NTM: variants seen among roughly 807,000 people sequenced by gnomAD.
NTM encodes the protein IgLON family member 2.
A neutral mutation model predicts 42.1 loss-of-function variants in NTM; 13 were observed. That is an observed-to-expected ratio of 0.31 (90% CI 0.20 to 0.49). The LOEUF (loss-of-function observed/expected upper bound fraction) is 0.49, where lower values mean the gene tolerates loss of function less well. NTM is among the 20% of genes least tolerant of loss of function. The pLI is 0.99. For synonymous variants in NTM, 187 were observed against 179.2 expected (o/e 1.04, Z -0.35); for missense variants, 373 against 452.8 (o/e 0.82, Z 1.60).
chr11:132,083,249 AATCTAT>A (rs1433559774), intron 2 of NTM, among the ~76,000 whole-genome samples: 1 of 152,214 alleles, frequency 6.6e-6, no homozygotes, highest in African/African-American at 2.4e-5. Flanking sequence ...TTTAATGACA[AATCTAT>A]GATTAGCTTT....
At chr11:132,192,822 CAG>C (rs1276523325) in intron 3 of NTM, among the ~76,000 whole-genome samples, 15 of 151,926 alleles carry the variant, frequency 9.9e-5, no homozygotes, top group African/African-American at 3.4e-4. Flanking sequence ...ATCAGTCAAA[CAG>C]AAAATGAAAA....
At chr11:131,402,557 G>T (rs1408645049) in intron 1 of NTM, among the ~76,000 whole-genome samples, 2 of 152,102 alleles carry the variant, frequency 1.3e-5, no homozygotes, top group Non-Finnish European at 2.9e-5. Context: ...TAGGAAAACA[G>T]CACAAGCCAA....
At chr11:131,664,487 TG>T (rs2068640442) in intron 1 of NTM, among the ~76,000 whole-genome samples, 1 of 152,130 alleles carries the variant, frequency 6.6e-6, no homozygotes, top group Non-Finnish European at 1.5e-5. Flanking sequence ...CCAAGCCTAG[TG>T]GAGAGCAAAA....
chr11:132,336,455 C>T lies in NTM; in HGVS notation c.*1309C>T. ...CCAGGTGTGGCTCTGCGCTAGGCCA[C>T]CCCAGGTGGCCCCGCTTTCTCCATT... is the stretch of plus-strand genomic sequence containing the variant. On this transcript the variant is annotated 3_prime_UTR_variant, in exon 9 of 9. Transcript: ENST00000683400. The T allele has an allele frequency of 6.6e-6, 1 of 152,324 alleles. No homozygotes were observed. 9.4% of individuals were successfully genotyped at this position (152,324 alleles called of 1,614,324 possible).
intron 1 of NTM, among the ~76,000 whole-genome samples, chr11:131,621,098 T>C (rs1463000609): frequency 6.6e-6 from 1 of 152,200 alleles, no homozygotes; most frequent in Non-Finnish European, 1.5e-5. Context: ...TCAGGGTTAA[T>C]TGAGCTCACT....
chr11:131,611,415 A>T (rs1469101275), intron 1 of NTM, among the ~76,000 whole-genome samples: 2 of 152,214 alleles, frequency 1.3e-5, no homozygotes, highest in East Asian at 3.9e-4. Flanking sequence ...CACACGCTAC[A>T]CGCTGCATAT....
chr11:131,832,222 G>A (rs1038786911), intron 1 of NTM, among the ~76,000 whole-genome samples: 11 of 150,838 alleles, frequency 7.3e-5, no homozygotes, highest in Non-Finnish European at 1.5e-4. Context: ...ATATGTATGC[G>A]TGATGCTTCC....
In NTM at chr11:131,472,671, G is replaced by T. The variant is rs116157071; in HGVS notation, c.82+101783G>T. On this transcript the variant is annotated intron_variant, in intron 1 of 8. Coordinates refer to ENST00000683400, the MANE Select transcript of NTM (RefSeq NM_001352005.2). ...CCTGGGTAAAGGCAATGAGGAGAAG[G>T]GGGTAAGTGTAAAAAAGCTGATGGG... Among the ~76,000 whole-genome samples the T allele has an allele frequency of 4.6e-3, 700 of 152,238 alleles. 5 individuals carry two copies. Among genetic ancestry groups the T allele is most frequent in the African/African-American group, 0.016 (673 of 41,538 alleles).
intron 1 of NTM, among the ~76,000 whole-genome samples, chr11:131,447,701 G>T (rs1363776714): frequency 1.3e-5 from 2 of 152,108 alleles, no homozygotes; most frequent in Non-Finnish European, 2.9e-5. Flanking sequence ...TTCAATTCTT[G>T]CTGCCACAAA....
intron 2 of NTM, among the ~76,000 whole-genome samples, chr11:131,941,515 C>G (rs939841402): frequency 2.0e-5 from 3 of 152,200 alleles, no homozygotes; most frequent in African/African-American, 7.2e-5. Context: ...CTCATATTCT[C>G]TGTGCTTGTC....
intron 2 of NTM, among the ~76,000 whole-genome samples, chr11:132,144,429 A>G (rs2069886848): frequency 6.6e-6 from 1 of 152,198 alleles, no homozygotes; most frequent in African/African-American, 2.4e-5. Context: ...GGTTGGTTTA[A>G]GGCTGTGTTC....
At chr11:132,203,449 T>C (rs1178099644) in intron 3 of NTM, among the ~76,000 whole-genome samples, 1 of 152,226 alleles carries the variant, frequency 6.6e-6, no homozygotes, top group Non-Finnish European at 1.5e-5. Flanking sequence ...CATGCACTTA[T>C]ACAGCTAGTA....
chr11:131,540,098 A>C (rs557587640), intron 1 of NTM, among the ~76,000 whole-genome samples: 2 of 151,734 alleles, frequency 1.3e-5, no homozygotes, highest in Non-Finnish European at 2.9e-5. Context: ...TAGAAAATGC[A>C]TAGCAACTCA....
chr11:131,726,431 C>T (rs920316804), intron 1 of NTM, among the ~76,000 whole-genome samples: 2 of 146,006 alleles, frequency 1.4e-5, no homozygotes, highest in Non-Finnish European at 2.9e-5. Flanking sequence ...CTAATGGCAT[C>T]TAGAGACACC....
intron 2 of NTM, among the ~76,000 whole-genome samples, chr11:132,019,120 C>A (rs2073918843): frequency 6.6e-6 from 1 of 151,894 alleles, no homozygotes; most frequent in South Asian, 2.1e-4. Context: ...TATCAAGGAG[C>A]TTACTTCTTG....
chr11:132,195,784 T>C (rs1342087113), intron 3 of NTM, among the ~76,000 whole-genome samples: 1 of 152,138 alleles, frequency 6.6e-6, no homozygotes, highest in Non-Finnish European at 1.5e-5. Flanking sequence ...CCCTTTCTTT[T>C]ACCATATACA....
chr11:132,194,505 A>G lies in NTM; in HGVS notation c.401-17517A>G, dbSNP rs374877586. On this transcript the variant is annotated intron_variant, in intron 3 of 8. Transcript: ENST00000683400. The stretch of plus-strand genomic sequence containing the variant: ...GACATATATGACAAACCTACAGTCA[A>G]CATAATACTGAACGGACAAAAGCTG... 4.0e-4 allele frequency among the ~76,000 whole-genome samples: 61 copies of G among 152,322 alleles called. 3 individuals carry two copies. The highest frequency in any genetic ancestry group is 1.4e-3 in the African/African-American group (58 of 41,580).
chr11:131,589,167 ATGTG>A (rs58237274), intron 1 of NTM, among the ~76,000 whole-genome samples: 97 of 143,598 alleles, frequency 6.8e-4, no homozygotes, highest in African/African-American at 1.0e-3. Flanking sequence ...ACCTGGAAAA[ATGTG>A]TGTGTGTGTG....
At chr11:131,787,161 C>A (rs1020798589) in intron 1 of NTM, among the ~76,000 whole-genome samples, 2 of 151,738 alleles carry the variant, frequency 1.3e-5, no homozygotes, top group African/African-American at 2.4e-5. Context: ...TTTCAGTAAC[C>A]TTTTGATTCT....
Sources: allele counts gnomAD v4.1 joint callset (sites outside exome capture counted in the v4.1 genomes callset), GRCh38; gene constraint gnomAD v4.1.1; transcripts MANE v1.5; gene names NCBI Gene and HGNC (gene_info 2026-07-23, HGNC 2026-07-21).